Variants in RGSL1 observed in about 807,000 individuals in gnomAD.
RGSL1 encodes the protein regulator of G protein signaling protein-like.
Under a neutral mutation model 124.7 loss-of-function variants are expected in RGSL1, and 97 were observed. The ratio of observed to expected loss-of-function variants is 0.78; its 90% CI spans 0.66 to 0.92. RGSL1 has a LOEUF of 0.92. RGSL1 is among the 40% of genes least tolerant of loss of function. RGSL1 has a pLI of 0.00. For missense variants in RGSL1, 1,233 were observed against 1,288.4 expected (o/e 0.96, Z 0.66); for synonymous variants, 424 against 438.1 (o/e 0.97, Z 0.40).
intron 9 of RGSL1, among the ~76,000 whole-genome samples, chr1:182,495,765 G>T (rs1022876979): frequency 1.2e-4 from 18 of 152,128 alleles, no homozygotes; most frequent in African/African-American, 3.9e-4. Flanking sequence ...GGTCATCAAT[G>T]TGACCAGCCA....
chr1:182,524,476 A>C (rs982812652), intron 10 of RGSL1, among the ~76,000 whole-genome samples: 3 of 152,236 alleles, frequency 2.0e-5, no homozygotes, highest in Non-Finnish European at 4.4e-5. Flanking sequence ...GAGCAAGAAC[A>C]TTCTAAGTAG....
intron 15 of RGSL1, 149 bp from the exon 16 acceptor site, chr1:182,548,168 G>A: frequency 1.3e-6 from 1 of 775,642 alleles, no homozygotes; most frequent in East Asian, 2.7e-5. Flanking sequence ...TTTGCCAATG[G>A]ATGAATTATG....
intron 21 of RGSL1, among the ~76,000 whole-genome samples, chr1:182,558,937 C>A (rs1257879617): frequency 6.6e-6 from 1 of 152,156 alleles, no homozygotes; most frequent in African/African-American, 2.4e-5. Flanking sequence ...AGGGTGGTCA[C>A]CAGAAATTCT....
rs555185337 is a variant in RGSL1 at position 182,484,793 on chromosome 1, G to C, written c.1432-3492G>C. Among the ~76,000 whole-genome samples the C allele has an allele frequency of 4.6e-5, 7 of 152,294 alleles. No individual in the cohort carries two copies. In the East Asian group the frequency reaches 1.4e-3, roughly 29 times the overall value. The stretch of plus-strand genomic sequence containing the variant: ...GCCTGAAGGGGTTAGGCAGAAGTGG[G>C]CAGAGCAGTTCCACTTGTGGTTGGC... On this transcript the variant is annotated intron_variant, in intron 6 of 21. Transcript: ENST00000294854.
In RGSL1 at chr1:182,454,630, C is replaced by G. The variant is rs113350601; in HGVS notation, c.96+590C>G. On this transcript the variant is annotated intron_variant, in intron 2 of 21. Transcript: ENST00000294854. ...TGTGTGTGTGTGTGTGTGTGTGGCC[C>G]CCAGTAGATTATGAGACAGTGAATT... Among the ~76,000 whole-genome samples, 161 of 147,140 alleles carry G rather than the reference C, an allele frequency of 1.1e-3. 1 individual carries two copies. Among genetic ancestry groups the G allele is most frequent in the African/African-American group, 4.0e-3 (153 of 38,168 alleles).
At chr1:182,494,252 A>G (rs536840987) in intron 9 of RGSL1, among the ~76,000 whole-genome samples, 1 of 152,306 alleles carries the variant, frequency 6.6e-6, no homozygotes, top group South Asian at 2.1e-4. Context: ...CAATTACCCT[A>G]TCAGTACAGT....
Position 182,488,347 on chromosome 1 carries a change from G to A in RGSL1, c.1494G>A (p.Thr498=), listed in dbSNP as rs1272842937. The change falls in exon 7 of 22, where the codon ACG becomes ACA. Residue 498 remains threonine (T), a splice_region_variant and synonymous_variant. Transcript: ENST00000294854. The part of the protein sequence containing the change: ...DEEDYWFLLF[T]TQNRFISSRQ... Reference sequence around the variant, plus strand: ...AGGACTACTGGTTTCTCCTTTTTACGGTAGGAAGGACTTTGGGTTAGGAAG... The same window carrying A: ...AGGACTACTGGTTTCTCCTTTTTACAGTAGGAAGGACTTTGGGTTAGGAAG... 4.5e-6 allele frequency: 7 copies of A among 1,552,068 alleles called. No homozygotes were observed. Among genetic ancestry groups the A allele is most frequent in the East Asian group, 2.4e-5 (1 of 40,908 alleles).
At chr1:182,517,296 A>C (rs1213257589) in intron 9 of RGSL1, among the ~76,000 whole-genome samples, 1 of 96,078 alleles carries the variant, frequency 1.0e-5, no homozygotes, top group African/African-American at 4.0e-5. Context: ...TTTTTTTTGT[A>C]TTTTTCTCTC....
intron 15 of RGSL1, among the ~76,000 whole-genome samples, chr1:182,545,507 C>A (rs1439731000): frequency 1.3e-5 from 2 of 152,160 alleles, no homozygotes; most frequent in Non-Finnish European, 2.9e-5. Context: ...GAGTTTTATA[C>A]CTTCAAAGGC....
chr1:182,478,440 C>T (rs890989707), intron 6 of RGSL1, among the ~76,000 whole-genome samples: 1 of 152,168 alleles, frequency 6.6e-6, no homozygotes, highest in African/African-American at 2.4e-5. Flanking sequence ...GCTTCAACAG[C>T]AGGCTTGATT....
At chr1:182,524,983 A>G (rs1658635356) in intron 10 of RGSL1, among the ~76,000 whole-genome samples, 1 of 152,308 alleles carries the variant, frequency 6.6e-6, no homozygotes, top group South Asian at 2.1e-4. Context: ...CCTGAAAACT[A>G]GTATAAAAAA....
At chr1:182,457,549 C>G (rs1400851903) in intron 2 of RGSL1, among the ~76,000 whole-genome samples, 1 of 152,168 alleles carries the variant, frequency 6.6e-6, no homozygotes, top group East Asian at 1.9e-4. Context: ...GGAAGAGGGC[C>G]ATAGACTAAC....
intron 15 of RGSL1, among the ~76,000 whole-genome samples, chr1:182,543,629 T>C (rs4652723): frequency 0.52 from 79,520 of 151,856 alleles, 21,043 homozygotes; most frequent in Non-Finnish European, 0.56. Context: ...AATATTAGTT[T>C]TTATTTAAAT....
chr1:182,458,159 G>A, intron 2 of RGSL1, 160 bp from the exon 3 acceptor site: 1 of 595,492 alleles, frequency 1.7e-6, no homozygotes, highest in Non-Finnish European at 3.0e-6. Flanking sequence ...GTTTGCATGT[G>A]TGCAGGGCAA....
chr1:182,544,545 T>A (rs1660089548), intron 15 of RGSL1, among the ~76,000 whole-genome samples: 1 of 152,028 alleles, frequency 6.6e-6, no homozygotes, highest in Non-Finnish European at 1.5e-5. Context: ...TTTTTTGTTG[T>A]TGTTGATTTT....
intron 6 of RGSL1, among the ~76,000 whole-genome samples, chr1:182,486,128 C>T (rs1027168398): frequency 6.6e-6 from 1 of 152,164 alleles, no homozygotes; most frequent in African/African-American, 2.4e-5. Context: ...AATCCTAATA[C>T]ATTCTAACGA....
chr1:182,539,472 C>T (rs897046091), intron 14 of RGSL1, among the ~76,000 whole-genome samples: 3 of 152,166 alleles, frequency 2.0e-5, no homozygotes, highest in Non-Finnish European at 4.4e-5. Context: ...CCCACCTACA[C>T]CATAGGGAGC....
intron 10 of RGSL1, among the ~76,000 whole-genome samples, chr1:182,522,717 C>G (rs963047916): frequency 5.3e-5 from 8 of 152,162 alleles, no homozygotes; most frequent in African/African-American, 1.4e-4. Flanking sequence ...GCTATAACTT[C>G]CTTCTCTTCT....
At chr1:182,455,306 G>C (rs1652211420) in intron 2 of RGSL1, among the ~76,000 whole-genome samples, 1 of 152,220 alleles carries the variant, frequency 6.6e-6, no homozygotes, top group African/African-American at 2.4e-5. Flanking sequence ...AGGAGGCGGG[G>C]CACGGTGGCT....
Sources: allele counts gnomAD v4.1 joint callset (sites outside exome capture counted in the v4.1 genomes callset), GRCh38; gene constraint gnomAD v4.1.1; transcripts MANE v1.5; gene names NCBI Gene and HGNC (gene_info 2026-07-23, HGNC 2026-07-21).